CA4: variants seen among roughly 807,000 people sequenced by gnomAD.
The protein encoded by CA4 is carbonic anhydrase 4.
Under a neutral mutation model 34.5 loss-of-function variants are expected in CA4, and 24 were observed. The ratio of observed to expected loss-of-function variants is 0.70; its 90% confidence interval spans 0.50 to 0.98. The LOEUF (loss-of-function observed/expected upper bound fraction) is 0.98, where lower values mean the gene tolerates loss of function less well. Among genes scored for constraint, CA4 ranks in the 50% least tolerant of loss-of-function variants. The pLI, the probability that CA4 is intolerant of heterozygous loss-of-function variation, is 0.00. For synonymous variants in CA4, 178 were observed against 170.6 expected, an observed-to-expected ratio of 1.04 and a Z score of -0.34; for missense variants, 394 against 396.7, an observed-to-expected ratio of 0.99 and a Z score of 0.06.
downstream of CA4, among the ~76,000 whole-genome samples, chr17:60,160,791 G>A (rs1469289986): frequency 6.6e-6 from 1 of 151,822 alleles, no homozygotes; most frequent in Non-Finnish European, 1.5e-5. Flanking sequence ...AGGGAAGGTG[G>A]GAAGCCCTGG....
downstream of CA4, among the ~76,000 whole-genome samples, chr17:60,162,448 C>T (rs984271964): frequency 2.0e-5 from 3 of 151,948 alleles, no homozygotes; most frequent in Admixed American, 2.0e-4. Flanking sequence ...CCTCTGAGGG[C>T]GAGGGAGGAG....
chr17:60,150,069 C>A lies in CA4; in HGVS notation c.35C>A (p.Ala12Glu). ...CTGCTGGCGCTCCTGGCCCTCTCCGCGGCGCGGCCATCGGCCAGTGCAGGT... is the reference window on the plus strand; with the variant it reads ...CTGCTGGCGCTCCTGGCCCTCTCCGAGGCGCGGCCATCGGCCAGTGCAGGT... ...RMLLALLALS[A>E]ARPSASAESH... Residue 12 changes from alanine (A) to glutamate (E), a missense_variant, in exon 1 of 8, where the codon GCG (alanine) becomes GAG (glutamate). Ala to Glu is a moderately radical substitution (Grantham distance 107). Transcript: ENST00000300900. 1.2e-6 allele frequency: 2 copies of A among 1,600,292 alleles called. No individual in the cohort carries two copies. The highest frequency in any genetic ancestry group is 1.7e-6 in the Non-Finnish European group (2 of 1,179,046).
At chr17:60,162,483 C>T (rs1219094443), downstream of CA4, among the ~76,000 whole-genome samples, 1 of 151,676 alleles carries the variant, frequency 6.6e-6, no homozygotes, top group Non-Finnish European at 1.5e-5. Flanking sequence ...CAAAGAGGGT[C>T]CAGCCTGGCC....
At chr17:60,171,716 C>T (rs1237398738), downstream of CA4, among the ~76,000 whole-genome samples, 4 of 152,176 alleles carry the variant, frequency 2.6e-5, no homozygotes, top group South Asian at 4.1e-4. Context: ...TCACTTCAAC[C>T]GGAGTAACTC....
downstream of CA4, among the ~76,000 whole-genome samples, chr17:60,164,212 TTCTTTCTTTCTCTTTCTCTTTC>T (rs2145297400): frequency 6.7e-6 from 1 of 148,642 alleles, no homozygotes; most frequent in South Asian, 2.2e-4. Context: ...CTTTCTTTTT[TTCTTTCTTTCTCTTTCTCTTTC>T]TCTTTCTTTC....
At chr17:60,160,704 T>C (rs1346071197), downstream of CA4, among the ~76,000 whole-genome samples, 6 of 147,666 alleles carry the variant, frequency 4.1e-5, no homozygotes, top group Admixed American at 6.8e-5. Flanking sequence ...TAAGCCAAGA[T>C]TGAACCACTG....
intron 2 of CA4, among the ~76,000 whole-genome samples, chr17:60,155,755 C>T (rs902839358): frequency 3.3e-5 from 5 of 152,166 alleles, no homozygotes; most frequent in Non-Finnish European, 5.9e-5. Flanking sequence ...CCTGAGTCTT[C>T]ACTGGCACCT....
chr17:60,164,222 CTCTT>C (rs1482555984), downstream of CA4, among the ~76,000 whole-genome samples: 3 of 123,372 alleles, frequency 2.4e-5, no homozygotes, highest in Non-Finnish European at 4.9e-5. Flanking sequence ...TTCTTTCTTT[CTCTT>C]TCTCTTTCTC....
At chr17:60,164,788 T>G (rs2083838514) in intron 5 of CA4, among the ~76,000 whole-genome samples, 1 of 150,576 alleles carries the variant, frequency 6.6e-6, no homozygotes, top group Admixed American at 6.6e-5. Context: ...GACTCCCAAC[T>G]GTAGGGCAGG....
At position 60,158,341 on chromosome 17, in the gene CA4, A is replaced by G. The variant is rs369564302; in HGVS notation, c.639A>G (p.Lys213=). ...TGGACCTGCTCCCCAAGGAGGAGAA[A>G]CTGAGGCACTACTTCCGCTACCTGG... ...SLLDLLPKEE[K]LRHYFRYLGS... The change falls in exon 7 of 8, where the codon AAA becomes AAG. Residue 213 remains lysine (K), a synonymous_variant. Coordinates refer to ENST00000300900, the MANE Select transcript of CA4 (RefSeq NM_000717.5). The G allele has an allele frequency of 1.9e-5, 31 of 1,613,996 alleles. No individual in the cohort carries two copies. Among genetic ancestry groups the G allele is most frequent in the Non-Finnish European group, 2.6e-5 (31 of 1,180,016 alleles).
chr17:60,155,365 T>G lies in CA4; in HGVS notation c.110T>G (p.Leu37Trp). The change falls in exon 2 of 8, where the codon TTG becomes TGG. Residue 37 changes from leucine to tryptophan, a missense_variant and splice_region_variant. Leu to Trp is a moderately conservative substitution (Grantham distance 61, BLOSUM62 -2). Transcript: ENST00000300900. ...VQAESSNYPC[L>W]VPVKWGGNCQ... Reference sequence around the variant, plus strand: ...GCCGAGTCCTCCAACTACCCCTGCTTGGGTGAGTACAGCCAGTCCAGGGGA... The same window carrying G: ...GCCGAGTCCTCCAACTACCCCTGCTGGGGTGAGTACAGCCAGTCCAGGGGA... The G allele has an allele frequency of 6.2e-7, 1 of 1,608,210 alleles. No homozygotes were observed. The highest frequency in any genetic ancestry group is 8.5e-7 in the Non-Finnish European group (1 of 1,177,264).
At chr17:60,164,216 T>TTCTTTCTCTTTC (rs770149149), downstream of CA4, among the ~76,000 whole-genome samples, 1 of 145,810 alleles carries the variant, frequency 6.9e-6, no homozygotes, top group Non-Finnish European at 1.5e-5. Flanking sequence ...CTTTTTTTCT[T>TTCTTTCTCTTTC]TCTTTCTCTT....
In CA4 at chr17:60,157,429, A is replaced by G; in HGVS notation, c.271A>G (p.Met91Val). ...CTCTGCCCCTTCTGTGCTCCCAGTGATGATGTTGCTGGAGAACAAGGCCAG... is the reference window on the plus strand; with the variant it reads ...CTCTGCCCCTTCTGTGCTCCCAGTGGTGATGTTGCTGGAGAACAAGGCCAG... ...WTVQNNGHSV[M>V]MLLENKASIS... Residue 91 changes from methionine to valine, a missense_variant and splice_region_variant, in exon 4 of 8, where the codon ATG becomes GTG. Coordinates refer to ENST00000300900, the MANE Select transcript of CA4 (RefSeq NM_000717.5). 6.2e-7 allele frequency: 1 copy of G among 1,614,170 alleles called. No individual in the cohort carries two copies. Among genetic ancestry groups the G allele is most frequent in the Non-Finnish European group, 8.5e-7 (1 of 1,180,020 alleles).
At chr17:60,160,438 C>A (rs927805765), downstream of CA4, among the ~76,000 whole-genome samples, 3 of 152,074 alleles carry the variant, frequency 2.0e-5, no homozygotes, top group Non-Finnish European at 4.4e-5. Flanking sequence ...TCTAATAGAT[C>A]GGGAGGCAGT....
intron 5 of CA4, among the ~76,000 whole-genome samples, chr17:60,170,081 G>C (rs1399535318): frequency 1.3e-5 from 2 of 152,154 alleles, no homozygotes; most frequent in Non-Finnish European, 2.9e-5. Context: ...GGAGTGTGTC[G>C]GCCACGTGAT....
the CA4 span, chr17:60,178,965 A>T: frequency 1.8e-5 from 6 of 332,838 alleles, no homozygotes; most frequent in African/African-American, 1.3e-4. Flanking sequence ...GGACAAGCAC[A>T]ATTGAATTCT....
chr17:60,167,470 C>T (rs763781749), intron 5 of CA4, among the ~76,000 whole-genome samples: 1 of 152,202 alleles, frequency 6.6e-6, no homozygotes, highest in African/African-American at 2.4e-5. Flanking sequence ...ATCAGAGCAT[C>T]GAAGTGCCCA....
At chr17:60,158,982 C>T in intron 7 of CA4, 3 of 568,438 alleles carry the variant, frequency 5.3e-6, no homozygotes, top group Non-Finnish European at 3.2e-6. Context: ...ACAAGAGAAG[C>T]AGGCATTGCG....
At chr17:60,157,395 G>A in intron 3 of CA4, 32 bp from the exon 4 acceptor site, 1 of 1,613,958 alleles carries the variant, frequency 6.2e-7, no homozygotes, top group African/African-American at 1.3e-5. Flanking sequence ...AGGGAGGCTG[G>A]TTCGAGGACT....
Sources: gnomAD v4.1 joint callset for allele counts (sites outside exome capture counted in the v4.1 genomes callset) on GRCh38, gnomAD v4.1.1 for gene constraint, MANE v1.5 for transcripts, NCBI Gene and HGNC (gene_info 2026-07-23, HGNC 2026-07-21) for gene names.